The following NEB variants were observed in gnomAD, a reference collection of about 807,000 sequenced individuals.
NEB encodes the protein nebulin.
In NEB, 512 loss-of-function variants were observed where a neutral mutation model predicts 952.2. The ratio of observed to expected loss-of-function variants is 0.54; its 90% CI spans 0.50 to 0.58. The LOEUF is 0.58. Among genes scored for constraint, NEB ranks in the 20% least tolerant of loss-of-function variants. The probability of loss-of-function intolerance (pLI) is 0.00; values close to 1 mark genes in which losing one functional copy is unlikely to be tolerated. For missense variants in NEB, 8,428 were observed against 9,231.1 expected, an observed-to-expected ratio of 0.91 and a Z score of 3.56; for synonymous variants, 2,900 against 3,149.8, an observed-to-expected ratio of 0.92 and a Z score of 2.66.
intron 3 of NEB, among the ~76,000 whole-genome samples, chr2:151,731,104 T>C (rs2099806791): frequency 6.6e-6 from 1 of 152,152 alleles, no homozygotes; most frequent in Non-Finnish European, 1.5e-5. Flanking sequence ...TAAAATAAAA[T>C]GGAAGATTCA....
rs557283717 is a variant in NEB at position 151,609,900 on chromosome 2, A to G, written c.12239T>C (p.Ile4080Thr). 56 of 1,613,858 alleles carry G rather than the reference A, an allele frequency of 3.5e-5. No individual in the cohort carries two copies. In the Middle Eastern group the frequency reaches 8.3e-4, roughly 24 times the overall value. ...TTCATGCAGGTAATTGCGATAATCA[A>G]TGTCAGTGACCAAAGTCTGACATTT... Reference protein sequence around the residue: ...AKKCQTLVTDIDYRNYLHEWT... With the variant: ...AKKCQTLVTDTDYRNYLHEWT... The change falls in exon 81 of 182, where the codon ATT becomes ACT. Residue 4080 changes from isoleucine (I) to threonine (T), a missense_variant. By Grantham distance (89) the Ile-to-Thr change is moderately conservative. This residue lies in a region of NEB where 337 missense variants were observed against 297.5 expected (regional missense o/e 1.13). Transcript: ENST00000397345.
chr2:151,718,128 C>T (rs1257635352), intron 9 of NEB, among the ~76,000 whole-genome samples: 3 of 152,168 alleles, frequency 2.0e-5, no homozygotes, highest in Non-Finnish European at 4.4e-5. Context: ...GCTGGGATTA[C>T]AGGCGTGAGC....
At position 151,656,761 on chromosome 2, in the gene NEB, T is replaced by C. The variant is rs972168184; in HGVS notation, c.6184-297A>G. Among the ~76,000 whole-genome samples the C allele has an allele frequency of 4.6e-5, 7 of 152,136 alleles. No homozygotes were observed. In the East Asian group the frequency reaches 1.2e-3, roughly 25 times the overall value. On this transcript the variant is annotated intron_variant, in intron 48 of 181. Coordinates refer to ENST00000397345, the MANE Select transcript of NEB (RefSeq NM_001164508.2). ...CCACTGAGGATTAGAACCCAGATTT[T>C]GTGATGATGCATCACACTGACTTAT...
intron 77 of NEB, 57 bp downstream of exon 77, chr2:151,614,219 A>G: frequency 6.3e-7 from 1 of 1,576,822 alleles, no homozygotes; most frequent in Non-Finnish European, 8.7e-7. Flanking sequence ...ATTCCATGGC[A>G]CAAAAGAGTT....
intron 161 of NEB, among the ~76,000 whole-genome samples, chr2:151,511,334 A>G (rs911024622): frequency 6.6e-6 from 1 of 152,222 alleles, no homozygotes; most frequent in African/African-American, 2.4e-5. Context: ...CCTGCTTCCT[A>G]ATCAAACCAC....
At chr2:151,611,326 T>A (rs2097949286) in intron 78 of NEB, among the ~76,000 whole-genome samples, 1 of 152,212 alleles carries the variant, frequency 6.6e-6, no homozygotes, top group South Asian at 2.1e-4. Context: ...TTTTTTATTA[T>A]TTTTTGAAGA....
In NEB at chr2:151,525,953, C is replaced by G. The variant is rs376988538; in HGVS notation, c.22161+5G>C. 3.1e-6 allele frequency: 5 copies of G among 1,611,362 alleles called. No homozygotes were observed. Among genetic ancestry groups the G allele is most frequent in the Non-Finnish European group, 4.2e-6 (5 of 1,177,598 alleles). On this transcript the variant is annotated splice_donor_5th_base_variant and intron_variant, in intron 150 of 181. Transcript: ENST00000397345. ...CTGCCAAGAGACCGGTGGTTGATCA[C>G]TTACATCACTGACATGCTTGGTCAC... is the stretch of plus-strand genomic sequence containing the variant.
chr2:151,514,372 CA>C lies in NEB; in HGVS notation c.23072del (p.Met7691ArgfsTer8), dbSNP rs1472406458. On this transcript the variant is annotated frameshift_variant, in exon 159 of 182. Coordinates refer to ENST00000397345, the MANE Select transcript of NEB (RefSeq NM_001164508.2). LOFTEE classifies it high-confidence loss of function. Reference protein sequence around the residue: ...ESIRGKGLTEMEDTPDMLRAK... With the variant: ...ESIRGKGLTEXEDTPDMLRAK... ...CTCTTAGCATGTCAGGTGTATCTTCCATTTCAGTGAGGCCCTTCCCACGGAT... is the reference window on the plus strand; with the variant it reads ...CTCTTAGCATGTCAGGTGTATCTTCCTTTCAGTGAGGCCCTTCCCACGGAT... The C allele has an allele frequency of 6.2e-7, 1 of 1,613,884 alleles. No homozygotes were observed.
intron 156 of NEB, among the ~76,000 whole-genome samples, chr2:151,517,333 G>A (rs2078318393): frequency 6.6e-6 from 1 of 152,306 alleles, no homozygotes; most frequent in South Asian, 2.1e-4. Context: ...GAGCTCTTGG[G>A]TTGTAACAAG....
At chr2:151,694,288 G>C in intron 20 of NEB, 35 bp downstream of exon 20, 3 of 1,561,408 alleles carry the variant, frequency 1.9e-6, no homozygotes, top group African/African-American at 2.7e-5. Context: ...TTGTGGCCAC[G>C]TCTGAAAATA....
rs778467089 is a variant in NEB, at chr2:151,485,963, T to C, written c.25405-30A>G. On this transcript the variant is annotated intron_variant, in intron 181 of 181. Transcript: ENST00000397345. ...TCGTGGGGATGGAAAAGGGGAAATA[T>C]TATATGTTGGATTTGCAACAGTTAA... 2.2e-5 allele frequency: 35 copies of C among 1,608,500 alleles called. No homozygotes were observed. The Admixed American group carries it at 3.2e-4, about 15-fold the overall frequency.
Position 151,669,086 on chromosome 2 carries a change from T to C in NEB, c.4552A>G (p.Ile1518Val), listed in dbSNP as rs1392809538. ...EGEKLKHKYT[I>V]DPELPQFIQA... is the part of the protein sequence containing the mutation. ...ATAAACTGAGGCAATTCAGGGTCAA[T>C]AGTATACTTGTGCTTCAGTTTCTCT... The change falls in exon 39 of 182, where the codon ATT becomes GTT. Residue 1518 changes from isoleucine (I) to valine (V), a missense_variant. Ile to Val is a conservative substitution (Grantham distance 29, BLOSUM62 3). Coordinates refer to ENST00000397345, the MANE Select transcript of NEB (RefSeq NM_001164508.2). The C allele has an allele frequency of 1.0e-5, 16 of 1,593,930 alleles. No individual in the cohort carries two copies. The highest frequency in any genetic ancestry group is 4.0e-5 in the African/African-American group (3 of 74,664).
At position 151,621,171 on chromosome 2, in the gene NEB, T is replaced by C; in HGVS notation, c.10453-145A>G. 3 of 617,810 alleles carry C rather than the reference T, an allele frequency of 4.9e-6. No homozygotes were observed. The South Asian group carries it at 6.3e-5, about 13-fold the overall frequency. The allele number at this position is 617,810 out of a possible 1,614,324, so 38.3% of individuals were successfully genotyped here. A position where few individuals can be genotyped will look rare whatever the true frequency, so the allele number is the denominator to read the frequency against. Reference sequence around the variant, plus strand: ...CAGAAAAAGAACTCTTTCTTTTACTTTCTGTTTATCCTTGGATATTTATTT... The same window carrying C: ...CAGAAAAAGAACTCTTTCTTTTACTCTCTGTTTATCCTTGGATATTTATTT... On this transcript the variant is annotated intron_variant, in intron 71 of 181. Transcript: ENST00000397345.
chr2:151,501,413 A>T lies in NEB; in HGVS notation c.23999T>A (p.Leu8000His), dbSNP rs200579863. 23 of 1,549,300 alleles carry T rather than the reference A, an allele frequency of 1.5e-5. No individual in the cohort carries two copies. The highest frequency in any genetic ancestry group is 1.8e-5 in the Non-Finnish European group (21 of 1,145,478). Residue 8000 changes from leucine (L) to histidine (H), a missense_variant, in exon 168 of 182, where the codon CTC becomes CAC. Leu to His is a moderately conservative substitution (Grantham distance 99). Around this residue, in one of 11 missense-constraint regions of NEB, gnomAD observed 3,374 missense variants for 3,651.5 expected, o/e 0.92. Transcript: ENST00000397345. ...TACCGAGCTAAAGTTTTCTTGATTG[A>T]GTTTGACTCGCTCCATCTCAGGAGT... is the stretch of plus-strand genomic sequence containing the variant. ...PVTPEMERVK[L>H]NQENFSSVLY... is the part of the protein sequence containing the mutation.
chr2:151,533,862 TC>T (rs2092450114), intron 142 of NEB, among the ~76,000 whole-genome samples: 1 of 152,252 alleles, frequency 6.6e-6, no homozygotes, highest in South Asian at 2.1e-4. Context: ...ATGTCTTCTT[TC>T]CTTCCATTAA....
At chr2:151,678,755 T>C (rs1416133777) in intron 32 of NEB, among the ~76,000 whole-genome samples, 2 of 151,654 alleles carry the variant, frequency 1.3e-5, no homozygotes, top group Non-Finnish European at 2.9e-5. Context: ...GAGGGCACTG[T>C]GGGACACTGA....
intron 124 of NEB, 82 bp from the exon 125 acceptor site, chr2:151,555,126 G>C: frequency 2.1e-6 from 2 of 949,296 alleles, no homozygotes. Flanking sequence ...GACTTAATGG[G>C]AAAAACCCGA....
intron 71 of NEB, among the ~76,000 whole-genome samples, 185 bp from the exon 72 acceptor site, chr2:151,621,211 C>T (rs1188459814): frequency 6.6e-6 from 1 of 152,174 alleles, no homozygotes; most frequent in African/African-American, 2.4e-5. Flanking sequence ...GAAAATTTCA[C>T]ATTCAGCAAG....
In NEB at chr2:151,655,889, G is replaced by A. The variant is rs760783243; in HGVS notation, c.6630C>T (p.Asn2210=). The A allele has an allele frequency of 6.2e-7, 1 of 1,613,808 alleles. No homozygotes were observed. Among genetic ancestry groups the A allele is most frequent in the Non-Finnish European group, 8.5e-7 (1 of 1,179,778 alleles). Residue 2210 remains asparagine, a synonymous_variant, in exon 50 of 182, where the codon AAC becomes AAT. Transcript: ENST00000397345. ...SDQKYRQHPS[N]FQFKKLTDSM... Reference sequence around the variant, plus strand: ...AATCAGTCAGCTTCTTAAACTGGAAGTTGCTCGGGTGCTGGCGGTATTTCT... The same window carrying A: ...AATCAGTCAGCTTCTTAAACTGGAAATTGCTCGGGTGCTGGCGGTATTTCT...
Sources: allele counts gnomAD v4.1 joint callset (sites outside exome capture counted in the v4.1 genomes callset), GRCh38; gene constraint gnomAD v4.1.1; regional missense constraint gnomAD v4.1.1; transcripts MANE v1.5; gene names NCBI Gene and HGNC (gene_info 2026-07-23, HGNC 2026-07-21).